The following PATJ variants were observed in gnomAD, a reference collection of about 807,000 sequenced individuals.
PATJ encodes inaD-like protein.
A neutral mutation model predicts 224.9 loss-of-function variants in PATJ; 190 were observed. The ratio of observed to expected loss-of-function variants is 0.84; its 90% CI spans 0.75 to 0.95. The LOEUF is 0.95. Among genes scored for constraint, PATJ ranks in the 40% least tolerant of loss-of-function variants. PATJ has a pLI of 0.00. For missense variants in PATJ, 2,121 were observed against 2,270.3 expected (o/e 0.93, Z 1.34); for synonymous variants, 769 against 820.3 (o/e 0.94, Z 1.07).
intron 27 of PATJ, among the ~76,000 whole-genome samples, chr1:61,968,114 T>C (rs940354981): frequency 6.6e-6 from 1 of 152,210 alleles, no homozygotes; most frequent in Non-Finnish European, 1.5e-5. Context: ...TCTATGACTC[T>C]GTGGGAAGGG....
In PATJ at chr1:62,123,035, C is replaced by A; in HGVS notation, c.5020C>A (p.Pro1674Thr). The change falls in exon 39 of 44, where the codon CCA becomes ACA. Residue 1674 changes from proline to threonine, a missense_variant. Pro to Thr is a conservative substitution (Grantham distance 38). Transcript: ENST00000642238. Reference protein sequence around the residue: ...SQKNSGTDMEPRTVEINRELS... With the variant: ...SQKNSGTDMETRTVEINRELS... ...CTTCTTTATAGGCACAGATATGGAA[C>A]CAAGGACTGTTGAGATAAACAGGGT... is the stretch of plus-strand genomic sequence containing the variant. 2.5e-6 allele frequency: 4 copies of A among 1,594,904 alleles called. No homozygotes were observed. Among genetic ancestry groups the A allele is most frequent in the Non-Finnish European group, 3.4e-6 (4 of 1,168,046 alleles).
chr1:61,876,240 G>A (rs1181563545), intron 21 of PATJ, among the ~76,000 whole-genome samples: 1 of 151,824 alleles, frequency 6.6e-6, no homozygotes, highest in South Asian at 2.1e-4. Flanking sequence ...TTTCCTGTGG[G>A]TCAAAACAGA....
chr1:61,835,303 C>T (rs1659993813), intron 17 of PATJ, among the ~76,000 whole-genome samples: 1 of 152,012 alleles, frequency 6.6e-6, no homozygotes, highest in African/African-American at 2.4e-5. Context: ...CCCATTGTAG[C>T]TATATTATCT....
At chr1:61,941,254 A>G (rs1315211799) in intron 27 of PATJ, among the ~76,000 whole-genome samples, 1 of 152,240 alleles carries the variant, frequency 6.6e-6, no homozygotes, top group Non-Finnish European at 1.5e-5. Flanking sequence ...CTAGTTTGCC[A>G]AACATTCCCA....
intron 30 of PATJ, among the ~76,000 whole-genome samples, chr1:62,050,634 A>G (rs146807624): frequency 9.8e-5 from 15 of 152,348 alleles, no homozygotes; most frequent in African/African-American, 3.6e-4. Context: ...TTCATTGGCC[A>G]GAACTGACAA....
chr1:62,154,805 C>T (rs1162901708), intron 43 of PATJ, among the ~76,000 whole-genome samples: 2 of 152,166 alleles, frequency 1.3e-5, no homozygotes, highest in African/African-American at 4.8e-5. Flanking sequence ...GTTAATTGGG[C>T]CCAGTGACCT....
chr1:61,921,457 T>C (rs779354459), intron 26 of PATJ, among the ~76,000 whole-genome samples: 33 of 152,172 alleles, frequency 2.2e-4, no homozygotes, highest in Admixed American at 6.5e-4. Context: ...GCATAGGTAA[T>C]ATATAAGATT....
chr1:61,953,455 TA>T (rs1239975595), intron 27 of PATJ, among the ~76,000 whole-genome samples: 1 of 152,236 alleles, frequency 6.6e-6, no homozygotes, highest in Non-Finnish European at 1.5e-5. Context: ...TTGTTTAAAA[TA>T]TAATTTCTGA....
At chr1:61,767,016 C>A (rs543875259) in intron 4 of PATJ, among the ~76,000 whole-genome samples, 2 of 152,208 alleles carry the variant, frequency 1.3e-5, no homozygotes, top group African/African-American at 4.8e-5. Context: ...TCGCTTGAAC[C>A]CCAGAGGCGG....
chr1:62,040,237 T>C (rs912381242), intron 30 of PATJ, among the ~76,000 whole-genome samples: 2 of 151,402 alleles, frequency 1.3e-5, no homozygotes, highest in Admixed American at 1.3e-4. Flanking sequence ...GCCTCCCGAG[T>C]AGCTGGGATT....
chr1:62,071,656 A>G (rs1365069210), intron 31 of PATJ, among the ~76,000 whole-genome samples: 2 of 151,834 alleles, frequency 1.3e-5, no homozygotes, highest in Non-Finnish European at 2.9e-5. Flanking sequence ...TAATTTTTGT[A>G]TTTTTAGTAC....
At chr1:61,810,157 A>G (rs1654425595) in intron 14 of PATJ, among the ~76,000 whole-genome samples, 1 of 151,796 alleles carries the variant, frequency 6.6e-6, no homozygotes. Flanking sequence ...GCCAGGTTTG[A>G]ATTTTCAAGG....
At chr1:61,856,795 G>T (rs568352783) in intron 18 of PATJ, among the ~76,000 whole-genome samples, 1 of 152,278 alleles carries the variant, frequency 6.6e-6, no homozygotes, top group African/African-American at 2.4e-5. Flanking sequence ...GTTTCACCAT[G>T]TTGGCCAGGC....
intron 22 of PATJ, among the ~76,000 whole-genome samples, chr1:61,894,899 A>T (rs2149126932): frequency 6.6e-6 from 1 of 152,326 alleles, no homozygotes; most frequent in East Asian, 1.9e-4. Flanking sequence ...CCAAATGCTG[A>T]TAGTGATATG....
chr1:61,944,034 CAG>C (rs1009241182), intron 27 of PATJ, among the ~76,000 whole-genome samples: 9 of 152,202 alleles, frequency 5.9e-5, no homozygotes, highest in Admixed American at 1.3e-4. Context: ...AACTAACAAA[CAG>C]AAAGGACATC....
intron 27 of PATJ, among the ~76,000 whole-genome samples, chr1:61,943,289 C>T (rs995923741): frequency 2.6e-5 from 4 of 152,130 alleles, no homozygotes; most frequent in South Asian, 2.1e-4. Context: ...TGGAGCAGGG[C>T]GGGGCATCGC....
intron 1 of PATJ, among the ~76,000 whole-genome samples, chr1:61,746,218 G>A (rs776604687): frequency 4.6e-5 from 7 of 152,154 alleles, no homozygotes; most frequent in Admixed American, 2.0e-4. Flanking sequence ...CCAGGATTAC[G>A]GATGTGAGCC....
rs72674640 is a variant in PATJ, at chr1:61,811,561, C to T, written c.1683+3031C>T. 6.1e-3 allele frequency among the ~76,000 whole-genome samples: 924 copies of T among 151,552 alleles called. 4 individuals are homozygous for T. Among genetic ancestry groups the T allele is most frequent in the Non-Finnish European group, 0.011 (731 of 67,938 alleles). Reference sequence around the variant, plus strand: ...TTATTTTTATTATTATCATATAAATCAGTGTTGCATGAAATTGCTCTTTAA... The same window carrying T: ...TTATTTTTATTATTATCATATAAATTAGTGTTGCATGAAATTGCTCTTTAA... On this transcript the variant is annotated intron_variant, in intron 14 of 43. Transcript: ENST00000642238.
At chr1:61,967,115 T>C (rs1682284262) in intron 27 of PATJ, among the ~76,000 whole-genome samples, 1 of 152,216 alleles carries the variant, frequency 6.6e-6, no homozygotes, top group Non-Finnish European at 1.5e-5. Context: ...GGAGTTGCTC[T>C]GGTTCAAACA....
Sources: gnomAD v4.1 joint callset for allele counts (sites outside exome capture counted in the v4.1 genomes callset) on GRCh38, gnomAD v4.1.1 for gene constraint, MANE v1.5 for transcripts, NCBI Gene and HGNC (gene_info 2026-07-23, HGNC 2026-07-21) for gene names.